SPTAN1: variants seen among roughly 807,000 people sequenced by gnomAD.
SPTAN1 encodes the protein spectrin alpha, non-erythrocytic 1, also known as spectrin alpha chain, non-erythrocytic 1.
Under a neutral mutation model 331.3 loss-of-function variants are expected in SPTAN1, and 61 were observed. That is an observed-to-expected ratio of 0.18 (90% CI 0.15 to 0.23). SPTAN1 has a LOEUF of 0.23. Ranked by LOEUF, SPTAN1 falls within the 10% of genes least tolerant of loss-of-function variation. The pLI, the probability that SPTAN1 is intolerant of heterozygous loss-of-function variation, is 1.00. For synonymous variants in SPTAN1, 1,153 were observed against 1,173.9 expected (o/e 0.98, Z 0.36); for missense variants, 2,043 against 3,147.9 (o/e 0.65, Z 8.40).
At chr9:128,618,179 T>TG (rs1342378674) in intron 43 of SPTAN1, 71 bp downstream of exon 43, 16 of 1,603,528 alleles carry the variant, frequency 1.0e-5, no homozygotes, top group Non-Finnish European at 1.4e-5. Flanking sequence ...CTCTGAGCTG[T>TG]GGGGGTCCAG....
rs1435449638 is a variant in SPTAN1, at chr9:128,632,150, C to T, written c.6786C>T (p.Ala2262=). The T allele has an allele frequency of 6.2e-7, 1 of 1,613,456 alleles. No individual in the cohort carries two copies. The highest frequency in any genetic ancestry group is 8.5e-7 in the Non-Finnish European group (1 of 1,180,036). ...ATKRKHQEIR[A]MRSQLKKIED... is the part of the protein sequence containing the mutation. ...AGCGCAAGCACCAGGAAATCCGAGCCATGAGAAGTCAGCTCAAAAAGATCG... is the reference window on the plus strand; with the variant it reads ...AGCGCAAGCACCAGGAAATCCGAGCTATGAGAAGTCAGCTCAAAAAGATCG... The change falls in exon 53 of 57, where the codon GCC becomes GCT. Residue 2262 remains alanine (A), a synonymous_variant. Transcript: ENST00000372739.
chr9:128,619,324 G>C (rs1259234805), intron 44 of SPTAN1, among the ~76,000 whole-genome samples: 2 of 152,196 alleles, frequency 1.3e-5, no homozygotes, highest in African/African-American at 2.4e-5. Flanking sequence ...GGCACGAACG[G>C]AGTACCACAG....
At chr9:128,630,110 G>A in intron 51 of SPTAN1, 1 of 736,890 alleles carries the variant, frequency 1.4e-6, no homozygotes, top group Non-Finnish European at 2.5e-6. Context: ...CACCAAGGCA[G>A]CAGCTTCCCA....
intron 31 of SPTAN1, among the ~76,000 whole-genome samples, chr9:128,605,720 A>G (rs537123386): frequency 6.6e-6 from 1 of 152,266 alleles, no homozygotes; most frequent in East Asian, 1.9e-4. Flanking sequence ...GGCCAGGCAC[A>G]GTGGCTCACG....
Position 128,624,592 on chromosome 9 carries a change from G to T in SPTAN1, c.5992+105G>T, listed in dbSNP as rs1259460216. ...CAGAGAAGAAACTGATCAATTGTGG[G>T]CATGGCAGAGAACCTACTACCAGGG... On this transcript the variant is annotated intron_variant, in intron 46 of 56. Coordinates refer to ENST00000372739, the MANE Select transcript of SPTAN1 (RefSeq NM_001130438.3). 6.4e-6 allele frequency: 9 copies of T among 1,413,032 alleles called. No homozygotes were observed. In the East Asian group the frequency reaches 1.5e-4, roughly 23 times the overall value. The allele number at this position is 1,413,032 out of a possible 1,614,324, so 87.5% of individuals were successfully genotyped here.
At chr9:128,620,456 C>T (rs1316867814) in intron 44 of SPTAN1, among the ~76,000 whole-genome samples, 1 of 152,182 alleles carries the variant, frequency 6.6e-6, no homozygotes, top group African/African-American at 2.4e-5. Context: ...GTGGCTCACA[C>T]CTGTAATCCC....
chr9:128,596,737 G>A (rs1376173046), intron 24 of SPTAN1: 1 of 152,194 alleles, frequency 6.6e-6, no homozygotes, highest in Non-Finnish European at 1.5e-5. Context: ...TCTCACACAG[G>A]GTAGAGGGCA....
chr9:128,626,027 G>T (rs376240538), intron 48 of SPTAN1, 49 bp downstream of exon 48: 17 of 1,604,948 alleles, frequency 1.1e-5, no homozygotes, highest in Non-Finnish European at 1.3e-5. Context: ...CTCAAGGAAG[G>T]ACGCCCACCT....
chr9:128,588,825 C>T lies in SPTAN1; in HGVS notation c.2888C>T (p.Thr963Met), dbSNP rs375623472. The T allele has an allele frequency of 1.9e-5, 30 of 1,613,942 alleles. No individual in the cohort carries two copies. The highest frequency in any genetic ancestry group is 1.5e-4 in the African/African-American group (11 of 74,884). ...AQSCRQQVAP[T>M]DDETGKELVL... ...GATTTTTAGCAACAAGTGGCCCCCACGGATGATGAGACTGGGAAGGAGCTG... is the reference window on the plus strand; with the variant it reads ...GATTTTTAGCAACAAGTGGCCCCCATGGATGATGAGACTGGGAAGGAGCTG... The change falls in exon 21 of 57, where the codon ACG becomes ATG. Residue 963 changes from threonine (T) to methionine (M), a missense_variant. Physicochemically the swap from Thr to Met is moderately conservative, Grantham distance 81. Around this residue, in one of 12 missense-constraint regions of SPTAN1, gnomAD observed 1,038 missense variants for 1,531.5 expected, o/e 0.68. Transcript: ENST00000372739.
At chr9:128,600,566 A>C (rs1854978428) in intron 27 of SPTAN1, among the ~76,000 whole-genome samples, 1 of 152,218 alleles carries the variant, frequency 6.6e-6, no homozygotes, top group Admixed American at 6.5e-5. Flanking sequence ...ATGTTTCCCC[A>C]CTACAGTAGA....
chr9:128,612,377 T>C, intron 39 of SPTAN1, 131 bp downstream of exon 39: 1 of 1,176,554 alleles, frequency 8.5e-7, no homozygotes, highest in Non-Finnish European at 1.3e-6. Flanking sequence ...ACCCTTATTA[T>C]ATATGAGTTG....
At position 128,609,640 on chromosome 9, in the gene SPTAN1, T is replaced by C; in HGVS notation, c.4759-11T>C. On this transcript the variant is annotated splice_polypyrimidine_tract_variant and intron_variant, in intron 36 of 56. Transcript: ENST00000372739. Reference sequence around the variant, plus strand: ...GTACTGAACTCTTGTTCTTTTAATCTGTTTTTGTAGCTTTCCAAGCTGCTG... The same window carrying C: ...GTACTGAACTCTTGTTCTTTTAATCCGTTTTTGTAGCTTTCCAAGCTGCTG... 6.6e-7 allele frequency: 1 copy of C among 1,525,532 alleles called. No individual in the cohort carries two copies. 94.5% of individuals were successfully genotyped at this position (1,525,532 alleles called of 1,614,324 possible).
Position 128,627,350 on chromosome 9 carries a change from A to G in SPTAN1, c.6577-36A>G. On this transcript the variant is annotated intron_variant, in intron 49 of 56. Coordinates refer to ENST00000372739, the MANE Select transcript of SPTAN1 (RefSeq NM_001130438.3). The surrounding 1 kb of genome is among the most constrained non-coding windows in gnomAD (Gnocchi z 4.9). ...AAGGAGGGGCTGGTGTCACTGCCAC[A>G]GCAGCGCACAGCATCTGCCCCCCTT... 1 of 1,527,112 alleles carries G rather than the reference A, an allele frequency of 6.5e-7. No homozygotes were observed. The highest frequency in any genetic ancestry group is 8.9e-7 in the Non-Finnish European group (1 of 1,125,562). The allele number at this position is 1,527,112 out of a possible 1,614,324, so 94.6% of individuals were successfully genotyped here.
intron 44 of SPTAN1, among the ~76,000 whole-genome samples, chr9:128,619,451 G>A (rs1355440008): frequency 6.6e-6 from 1 of 152,212 alleles, no homozygotes; most frequent in East Asian, 1.9e-4. Context: ...AACCTGTAGG[G>A]GAGGATCTTT....
chr9:128,624,097 A>AG (rs2131914446), intron 45 of SPTAN1, among the ~76,000 whole-genome samples: 1 of 100,608 alleles, frequency 9.9e-6, no homozygotes, highest in East Asian at 6.1e-4. Context: ...AAAAAAAAAA[A>AG]AAAAAAAAAA....
chr9:128,580,163 A>C (rs1053422124), intron 10 of SPTAN1, among the ~76,000 whole-genome samples: 1 of 152,000 alleles, frequency 6.6e-6, no homozygotes, highest in African/African-American at 2.4e-5. Flanking sequence ...AAAATTAATA[A>C]ATTAGCCAGA....
chr9:128,617,511 C>A, intron 41 of SPTAN1, 129 bp from the exon 42 acceptor site: 1 of 1,404,504 alleles, frequency 7.1e-7, no homozygotes. Flanking sequence ...TTTTGTTGTT[C>A]AGAAAACTGG....
intron 44 of SPTAN1, among the ~76,000 whole-genome samples, chr9:128,620,075 G>C (rs972793088): frequency 1.3e-5 from 2 of 152,204 alleles, no homozygotes. Flanking sequence ...GGCAGGAGCT[G>C]CAAGATGTCT....
intron 1 of SPTAN1, among the ~76,000 whole-genome samples, chr9:128,562,743 T>A (rs1050105669): frequency 6.6e-6 from 1 of 151,878 alleles, no homozygotes; most frequent in Non-Finnish European, 1.5e-5. Context: ...GGTGGGCGGA[T>A]CACGAGGTCA....
Sources: gnomAD v4.1 joint callset for allele counts (sites outside exome capture counted in the v4.1 genomes callset) on GRCh38, gnomAD v4.1.1 for gene constraint, gnomAD v4.1.1 regional missense constraint, Gnocchi (gnomAD v3.1) non-coding constraint, MANE v1.5 for transcripts, NCBI Gene and HGNC (gene_info 2026-07-23, HGNC 2026-07-21) for gene names.